The following RARB variants were observed in gnomAD, a reference collection of about 807,000 sequenced individuals.
The protein encoded by RARB is retinoic acid receptor beta.
RARB carries 17 observed loss-of-function variants against 51.9 expected under a neutral mutation model. The ratio of observed to expected loss-of-function variants is 0.33; its 90% CI spans 0.22 to 0.49. RARB has a LOEUF of 0.49. RARB is among the 20% of genes least tolerant of loss of function. The pLI is 0.99. For missense variants in RARB, 369 were observed against 550.8 expected (o/e 0.67, Z 3.30); for synonymous variants, 215 against 195.4 (o/e 1.10, Z -0.84).
intron 1 of RARB, among the ~76,000 whole-genome samples, chr3:24,840,991 T>G (rs1702414977): frequency 6.6e-6 from 1 of 151,936 alleles, no homozygotes; most frequent in Admixed American, 6.6e-5. Context: ...CAATGAGGGG[T>G]TTTGCACAGT....
At chr3:25,555,493 T>C (rs1156503816) in intron 3 of RARB, 1 of 152,186 alleles carries the variant, frequency 6.6e-6, no homozygotes, top group East Asian at 1.9e-4. Context: ...CCTCAGTGCC[T>C]AGAACAGTAC....
chr3:25,243,953 A>G (rs1446665650), intron 5 of RARB, among the ~76,000 whole-genome samples: 1 of 151,944 alleles, frequency 6.6e-6, no homozygotes, highest in Non-Finnish European at 1.5e-5. Flanking sequence ...GCTCTTTTTA[A>G]TTGATAGGCT....
chr3:24,840,146 T>C (rs1458216736), intron 1 of RARB, among the ~76,000 whole-genome samples: 8 of 152,240 alleles, frequency 5.3e-5, no homozygotes, highest in South Asian at 2.1e-4. Context: ...GAAGATTAAA[T>C]GGATGATACT....
chr3:24,929,766 G>C (rs888024130), intron 2 of RARB, among the ~76,000 whole-genome samples: 2 of 152,096 alleles, frequency 1.3e-5, no homozygotes, highest in Admixed American at 6.6e-5. Context: ...CCCAGCTGTT[G>C]TCAATGTGGC....
intron 2 of RARB, among the ~76,000 whole-genome samples, chr3:25,475,119 A>G (rs1306231703): frequency 6.6e-6 from 1 of 152,208 alleles, no homozygotes. Flanking sequence ...GTTTGCTGTT[A>G]GAGAGTTCAC....
At chr3:25,113,748 T>A (rs538198162) in intron 3 of RARB, among the ~76,000 whole-genome samples, 35 of 152,020 alleles carry the variant, frequency 2.3e-4, no homozygotes, top group African/African-American at 8.4e-4. Flanking sequence ...AATTAAAAGA[T>A]GGTAGGTAGA....
intron 2 of RARB, among the ~76,000 whole-genome samples, chr3:24,966,007 T>G (rs1202912548): frequency 6.6e-6 from 1 of 152,218 alleles, no homozygotes. Context: ...GAAAGTCACA[T>G]TGGCCTGGTT....
rs143211816 is a variant in RARB at position 24,905,306 on chromosome 3, A to G, written c.-380+46554A>G. On this transcript the variant is annotated intron_variant, in intron 2 of 11. Coordinates refer to the RARB transcript ENST00000383772. The stretch of plus-strand genomic sequence containing the variant: ...ACAGTAATAAAAATGAGTTATCTAA[A>G]CAAATCCAATTCTATGTCTTCTTGT... Among the ~76,000 whole-genome samples, 11 of 152,296 alleles carry G rather than the reference A, an allele frequency of 7.2e-5. No individual in the cohort carries two copies. The East Asian group carries it at 2.1e-3, about 29-fold the overall frequency.
At chr3:25,158,485 T>G (rs562588194) in intron 4 of RARB, among the ~76,000 whole-genome samples, 1 of 152,314 alleles carries the variant, frequency 6.6e-6, no homozygotes, top group East Asian at 1.9e-4. Context: ...TCATTTGAAT[T>G]CTTCTTGTTT....
intron 5 of RARB, among the ~76,000 whole-genome samples, chr3:25,329,772 G>T (rs1415464120): frequency 6.6e-6 from 1 of 152,114 alleles, no homozygotes; most frequent in Non-Finnish European, 1.5e-5. Context: ...CTTGAAAAAA[G>T]ATTAGACAAA....
intron 3 of RARB, among the ~76,000 whole-genome samples, chr3:25,522,173 T>A (rs1698429074): frequency 6.6e-6 from 1 of 151,934 alleles, no homozygotes. Context: ...AGACCGGTAT[T>A]TGTGATATGG....
At chr3:25,459,777 G>A (rs916181686) in intron 1 of RARB, among the ~76,000 whole-genome samples, 7 of 152,120 alleles carry the variant, frequency 4.6e-5, no homozygotes, top group African/African-American at 1.4e-4. Context: ...TAAGCAGTAG[G>A]GCAACTGGAA....
chr3:25,367,812 A>AC (rs35212869), intron 5 of RARB, among the ~76,000 whole-genome samples: 3 of 135,026 alleles, frequency 2.2e-5, no homozygotes, highest in Admixed American at 1.5e-4. Context: ...ACAAAAAAAA[A>AC]CAAGCAAAAA....
At chr3:25,386,635 T>A (rs1706803149) in intron 5 of RARB, among the ~76,000 whole-genome samples, 1 of 152,154 alleles carries the variant, frequency 6.6e-6, no homozygotes, top group Non-Finnish European at 1.5e-5. Context: ...ATTTGTTGAA[T>A]TAAAATGGGA....
At chr3:25,108,541 C>T (rs550887513) in intron 3 of RARB, among the ~76,000 whole-genome samples, 11 of 152,202 alleles carry the variant, frequency 7.2e-5, no homozygotes, top group Admixed American at 5.9e-4. Flanking sequence ...ATACATCACT[C>T]GTAATCCTAT....
intron 5 of RARB, among the ~76,000 whole-genome samples, chr3:25,195,179 CT>C (rs1444282264): frequency 6.6e-6 from 1 of 151,892 alleles, no homozygotes; most frequent in Non-Finnish European, 1.5e-5. Context: ...CTCTGTAGGT[CT>C]TGTTATGAAA....
chr3:25,509,216 C>A (rs923294204), intron 3 of RARB, among the ~76,000 whole-genome samples: 1 of 152,160 alleles, frequency 6.6e-6, no homozygotes, highest in Admixed American at 6.5e-5. Flanking sequence ...TTTTGCTTCA[C>A]GTGAAATGAA....
chr3:25,528,996 T>C (rs1399322910), intron 3 of RARB, among the ~76,000 whole-genome samples: 10 of 151,940 alleles, frequency 6.6e-5, no homozygotes, highest in African/African-American at 2.2e-4. Context: ...TAAATAATAA[T>C]CAATGTGTGG....
intron 3 of RARB, among the ~76,000 whole-genome samples, chr3:25,548,905 TGGAGGAAGC>T (rs1346858408): frequency 1.3e-5 from 2 of 152,184 alleles, no homozygotes; most frequent in African/African-American, 4.8e-5. Context: ...GTATCTAGTT[TGGAGGAAGC>T]TTGGCTCTAT....
Sources: allele counts gnomAD v4.1 joint callset (sites outside exome capture counted in the v4.1 genomes callset), GRCh38; gene constraint gnomAD v4.1.1; transcripts MANE v1.5; gene names NCBI Gene and HGNC (gene_info 2026-07-23, HGNC 2026-07-21).